ABCA2: variants seen among roughly 807,000 people sequenced by gnomAD.
ABCA2 encodes ATP-binding cassette sub-family A member 2.
In ABCA2, 84 loss-of-function variants were observed where a neutral mutation model predicts 262.8. The ratio of observed to expected loss-of-function variants is 0.32; its 90% confidence interval spans 0.27 to 0.38. The LOEUF (loss-of-function observed/expected upper bound fraction) is 0.38, where lower values mean the gene tolerates loss of function less well. ABCA2 is among the 10% of genes least tolerant of loss of function. ABCA2 has a pLI of 1.00. For synonymous variants in ABCA2, 1,696 were observed against 1,502.9 expected (o/e 1.13, Z -2.97); for missense variants, 2,662 against 3,405.9 (o/e 0.78, Z 5.44).
chr9:137,020,241 C>T, intron 10 of ABCA2, 95 bp downstream of exon 10: 1 of 1,552,070 alleles, frequency 6.4e-7, no homozygotes, highest in Non-Finnish European at 8.8e-7. Flanking sequence ...CCTCCCGTGT[C>T]AATTCTGCCG....
intron 17 of ABCA2, 73 bp downstream of exon 17, chr9:137,017,429 T>TCG (rs1309286339): frequency 1.6e-5 from 25 of 1,598,772 alleles, no homozygotes; most frequent in Non-Finnish European, 2.1e-5. Flanking sequence ...TCCAGGGGGC[T>TCG]CTGAGAGGAT....
In ABCA2 at chr9:137,010,962, C is replaced by T; in HGVS notation, c.6056+11G>A. ...CCGCCCCGCCCCCGCCCCACCCCGC[C>T]CCCCACTCACTGTGGCCGCCGCAGG... On this transcript the variant is annotated intron_variant, in intron 39 of 48. Transcript: ENST00000341511. 6.7e-7 allele frequency: 1 copy of T among 1,487,232 alleles called. No individual in the cohort carries two copies. The highest frequency in any genetic ancestry group is 9.1e-7 in the Non-Finnish European group (1 of 1,095,624). The allele number at this position is 1,487,232 out of a possible 1,614,324, so 92.1% of individuals were successfully genotyped here.
In ABCA2 at chr9:137,008,510, C is replaced by A; in HGVS notation, c.7181G>T (p.Arg2394Leu). Residue 2394 changes from arginine to leucine, a missense_variant, in exon 48 of 49, where the codon CGG becomes CTG. Arg to Leu is a moderately radical substitution (Grantham distance 102, BLOSUM62 -2). Around this residue, in one of 12 missense-constraint regions of ABCA2, gnomAD observed 212 missense variants for 214.4 expected, o/e 0.99. Transcript: ENST00000341511. Reference protein sequence around the residue: ...LGCLLSLLRPRSAPTELRALV... With the variant: ...LGCLLSLLRPLSAPTELRALV... ...TGCCCGGAGCTCCGTGGGGGCAGAC[C>A]GGGGCCGGAGCAGGCTGAGCAAGCA... is the stretch of plus-strand genomic sequence containing the variant. 1 of 1,586,102 alleles carries A rather than the reference C, an allele frequency of 6.3e-7. No homozygotes were observed. Among genetic ancestry groups the A allele is most frequent in the South Asian group, 1.1e-5 (1 of 87,300 alleles).
At chr9:137,022,219 T>A (rs1433335999) in intron 6 of ABCA2, 132 bp downstream of exon 6, 8 of 1,050,666 alleles carry the variant, frequency 7.6e-6, no homozygotes, top group Non-Finnish European at 9.7e-6. Context: ...GGGGCGTGGC[T>A]CAGATGGTGG....
Position 137,021,800 on chromosome 9 carries a change from C to T in ABCA2, c.678+91G>A. 1 of 1,343,812 alleles carries T rather than the reference C, an allele frequency of 7.4e-7. No individual in the cohort carries two copies. Among genetic ancestry groups the T allele is most frequent in the South Asian group, 1.3e-5 (1 of 78,686 alleles). 83.2% of individuals were successfully genotyped at this position (1,343,812 alleles called of 1,614,324 possible). On this transcript the variant is annotated intron_variant, in intron 7 of 48. Coordinates refer to ENST00000341511, the MANE Select transcript of ABCA2 (RefSeq NM_001606.5). This position sits in a 1 kb window ranked among gnomAD's most constrained non-coding sequence, Gnocchi z 6.0. The stretch of plus-strand genomic sequence containing the variant: ...CCCTCTCCCAGGAGGAGCTCCAAGT[C>T]ACCAAAGGGGCCCTTTCCTCACCCA...
Position 137,019,552 on chromosome 9 carries a change from A to G in ABCA2, c.1426-246T>C. 4 of 467,704 alleles carry G rather than the reference A, an allele frequency of 8.6e-6. No homozygotes were observed. Among genetic ancestry groups the G allele is most frequent in the Non-Finnish European group, 1.5e-5 (4 of 262,434 alleles). 29.0% of individuals were successfully genotyped at this position (467,704 alleles called of 1,614,324 possible). ...ATCCTCCCGCCTCAGCCCTCCAAGT[A>G]GCTGGGATTACAGGTGCCCACCACC... is the stretch of plus-strand genomic sequence containing the variant. On this transcript the variant is annotated intron_variant, in intron 10 of 48. Coordinates refer to ENST00000341511, the MANE Select transcript of ABCA2 (RefSeq NM_001606.5). This position sits in a 1 kb window ranked among gnomAD's most constrained non-coding sequence, Gnocchi z 4.4.
chr9:137,007,792 GAC>G lies in ABCA2; in HGVS notation c.*135_*136del. ...GCATGGCCGAGTACAGGGGCTGGAGGACCAGAAGCCCCTTGGTCCTGAACCTC... is the reference window on the plus strand; with the variant it reads ...GCATGGCCGAGTACAGGGGCTGGAGGCAGAAGCCCCTTGGTCCTGAACCTC... On this transcript the variant is annotated 3_prime_UTR_variant, in exon 49 of 49. Coordinates refer to ENST00000341511, the MANE Select transcript of ABCA2 (RefSeq NM_001606.5). The G allele has an allele frequency of 8.2e-7, 1 of 1,219,624 alleles. No individual in the cohort carries two copies. The highest frequency in any genetic ancestry group is 1.5e-5 in the African/African-American group (1 of 66,782). The allele number at this position is 1,219,624 out of a possible 1,614,324, so 75.6% of individuals were successfully genotyped here. A position where few individuals can be genotyped will look rare whatever the true frequency, so the allele number is the denominator to read the frequency against.
At position 137,011,594 on chromosome 9, in the gene ABCA2, G is replaced by C; in HGVS notation, c.5651+40C>G. The C allele has an allele frequency of 6.4e-7, 1 of 1,557,416 alleles. No homozygotes were observed. The highest frequency in any genetic ancestry group is 8.7e-7 in the Non-Finnish European group (1 of 1,150,966). ...CGGGCAGTGGTCACCAGGCAGCCCC[G>C]GTCCCACCTGAGGCCGCTCCCCCCT... On this transcript the variant is annotated intron_variant, in intron 36 of 48. Coordinates refer to ENST00000341511, the MANE Select transcript of ABCA2 (RefSeq NM_001606.5). The surrounding 1 kb of genome is among the most constrained non-coding windows in gnomAD (Gnocchi z 8.8).
chr9:137,019,322 CA>C lies in ABCA2; in HGVS notation c.1426-17del. On this transcript the variant is annotated splice_polypyrimidine_tract_variant and intron_variant, in intron 10 of 48. Transcript: ENST00000341511. This position sits in a 1 kb window ranked among gnomAD's most constrained non-coding sequence, Gnocchi z 4.4. ...TCTCGTTGGCCTGCAGGGGGTGAGG[CA>C]GGGGCATGGAGTTTCTGGACGGACC... The C allele has an allele frequency of 1.2e-6, 2 of 1,611,558 alleles. No homozygotes were observed. Among genetic ancestry groups the C allele is most frequent in the Non-Finnish European group, 1.7e-6 (2 of 1,179,272 alleles).
Position 137,024,173 on chromosome 9 carries a change from G to C in ABCA2, c.130C>G (p.Gln44Glu), listed in dbSNP as rs750997683. 1 of 1,611,850 alleles carries C rather than the reference G, an allele frequency of 6.2e-7. No homozygotes were observed. The highest frequency in any genetic ancestry group is 1.1e-5 in the South Asian group (1 of 90,736). The change falls in exon 2 of 49, where the codon CAG becomes GAG. Residue 44 changes from glutamine (Q) to glutamate (E), a missense_variant. This residue lies in a region of ABCA2 where 101 missense variants were observed against 152.3 expected (regional missense o/e 0.66). Transcript: ENST00000341511. ...TTCACGGAGATGGTGGGCTTCTTCT[G>C]TCGCAGCCCCAGCAGGATAAAGAAC... ...VLFFILLGLR[Q>E]KKPTISVKEV...
chr9:137,013,471 G>T lies in ABCA2; in HGVS notation c.4540C>A (p.Arg1514Ser), dbSNP rs1347399058. 3.1e-6 allele frequency: 5 copies of T among 1,606,148 alleles called. No homozygotes were observed. The highest frequency in any genetic ancestry group is 2.7e-5 in the African/African-American group (2 of 74,994). ...NFIPYANEER[R>S]EYRLRLSPDA... ...CGCTGGAGGCCTCACCGGTACTCGC[G>T]GCGCTCCTCGTTGGCGTAGGGGATG... Residue 1514 changes from arginine to serine, a missense_variant, in exon 29 of 49, where the codon CGC (arginine) becomes AGC (serine). Coordinates refer to ENST00000341511, the MANE Select transcript of ABCA2 (RefSeq NM_001606.5).
chr9:137,028,184 C>T lies in ABCA2; in HGVS notation c.-44G>A, dbSNP rs1036541916. On this transcript the variant is annotated 5_prime_UTR_variant, in exon 1 of 49. Coordinates refer to ENST00000341511, the MANE Select transcript of ABCA2 (RefSeq NM_001606.5). This position sits in a 1 kb window ranked among gnomAD's most constrained non-coding sequence, Gnocchi z 6.9. The stretch of plus-strand genomic sequence containing the variant: ...CGCCTCAGCGCCGCGGCCCGCTCCT[C>T]TGCGCGCCCCGCCGGGCCCCGCAGC... The T allele has an allele frequency of 1.0e-6, 1 of 980,478 alleles. No individual in the cohort carries two copies. Among genetic ancestry groups the T allele is most frequent in the African/African-American group, 1.8e-5 (1 of 56,628 alleles). 60.7% of individuals were successfully genotyped at this position (980,478 alleles called of 1,614,324 possible).
chr9:137,025,604 C>G (rs758889894), intron 1 of ABCA2, among the ~76,000 whole-genome samples: 1 of 152,218 alleles, frequency 6.6e-6, no homozygotes, highest in African/African-American at 2.4e-5. Context: ...AGCCTCCACC[C>G]GCTCCCTGAG....
chr9:137,008,900 G>GCCCCCCCCCCCCCCCAGGGCCCCC (rs59031144), intron 46 of ABCA2, 32 bp from the exon 47 acceptor site: 1 of 1,535,814 alleles, frequency 6.5e-7, no homozygotes, highest in Non-Finnish European at 8.8e-7. Context: ...GCCTGGCAGC[G>GCCCCCCCCCCCCCCCAGGGCCCCC]CCCCCCCACC....
At chr9:137,027,438 C>T (rs1831689481) in intron 1 of ABCA2, 1 of 152,854 alleles carries the variant, frequency 6.5e-6, no homozygotes, top group South Asian at 2.1e-4. Context: ...GTGGATCAGG[C>T]TCGGGGAGAA....
intron 39 of ABCA2, 70 bp from the exon 40 acceptor site, chr9:137,010,807 C>T (rs1211293406): frequency 2.0e-6 from 3 of 1,516,798 alleles, no homozygotes; most frequent in Non-Finnish European, 2.7e-6. Flanking sequence ...ACCAGCCTCG[C>T]ATCCTCTGGC....
intron 30 of ABCA2, 23 bp downstream of exon 30, chr9:137,012,979 C>T: frequency 6.8e-7 from 1 of 1,481,418 alleles, no homozygotes; most frequent in African/African-American, 1.4e-5. Context: ...CCTGCCCCCC[C>T]AGCAGGCCCC....
At position 137,010,965 on chromosome 9, in the gene ABCA2, CCACT is replaced by C; in HGVS notation, c.6056+4_6056+7del. 6.6e-7 allele frequency: 1 copy of C among 1,515,244 alleles called. No homozygotes were observed. Among genetic ancestry groups the C allele is most frequent in the South Asian group, 1.2e-5 (1 of 83,864 alleles). 93.9% of individuals were successfully genotyped at this position (1,515,244 alleles called of 1,614,324 possible). ...CCCCGCCCCCGCCCCACCCCGCCCC[CCACT>C]CACTGTGGCCGCCGCAGGAAGTTGT... On this transcript the variant is annotated splice_donor_5th_base_variant and intron_variant, in intron 39 of 48. Transcript: ENST00000341511.
chr9:137,019,550 G>A lies in ABCA2; in HGVS notation c.1426-244C>T. The A allele has an allele frequency of 2.1e-6, 1 of 473,452 alleles. No homozygotes were observed. The highest frequency in any genetic ancestry group is 2.5e-5 in the South Asian group (1 of 39,786). The allele number at this position is 473,452 out of a possible 1,614,324, so 29.3% of individuals were successfully genotyped here. ...GGATCCTCCCGCCTCAGCCCTCCAA[G>A]TAGCTGGGATTACAGGTGCCCACCA... On this transcript the variant is annotated intron_variant, in intron 10 of 48. Coordinates refer to ENST00000341511, the MANE Select transcript of ABCA2 (RefSeq NM_001606.5). The surrounding 1 kb of genome is among the most constrained non-coding windows in gnomAD (Gnocchi z 4.4).
Sources: allele counts gnomAD v4.1 joint callset (sites outside exome capture counted in the v4.1 genomes callset), GRCh38; gene constraint gnomAD v4.1.1; regional missense constraint gnomAD v4.1.1; non-coding constraint Gnocchi (gnomAD v3.1); transcripts MANE v1.5; gene names NCBI Gene and HGNC (gene_info 2026-07-23, HGNC 2026-07-21).